Variants in PEX5L observed in about 807,000 individuals in gnomAD.
PEX5L encodes peroxisomal biogenesis factor 5 like.
A neutral mutation model predicts 84.0 loss-of-function variants in PEX5L; 30 were observed. The observed-to-expected ratio is 0.36, with a 90% CI of 0.27 to 0.48. The LOEUF (loss-of-function observed/expected upper bound fraction) is 0.48. PEX5L is among the 20% of genes least tolerant of loss of function. The pLI, the probability that PEX5L is intolerant of heterozygous loss-of-function variation, is 0.99. For synonymous variants in PEX5L, 270 were observed against 283.1 expected, an observed-to-expected ratio of 0.95 and a Z score of 0.46; for missense variants, 533 against 754.6, an observed-to-expected ratio of 0.71 and a Z score of 3.44.
chr3:179,953,654 G>C (rs1004279232), intron 2 of PEX5L, among the ~76,000 whole-genome samples: 4 of 152,148 alleles, frequency 2.6e-5, no homozygotes, highest in Non-Finnish European at 5.9e-5. Flanking sequence ...TGATGCTGTA[G>C]GGAACATCTC....
At chr3:179,973,249 C>CA in intron 1 of PEX5L, 1 of 1,288,962 alleles carries the variant, frequency 7.8e-7, no homozygotes, top group Non-Finnish European at 1.0e-6. Flanking sequence ...CACTGTCAGA[C>CA]ATCCCAGAAT....
chr3:179,852,967 A>G (rs1191169249), intron 8 of PEX5L, among the ~76,000 whole-genome samples: 1 of 152,222 alleles, frequency 6.6e-6, no homozygotes, highest in Non-Finnish European at 1.5e-5. Context: ...GATGCATTAA[A>G]ATAATAAATT....
chr3:179,832,058 C>T (rs1045317646), intron 8 of PEX5L, among the ~76,000 whole-genome samples: 14 of 151,960 alleles, frequency 9.2e-5, no homozygotes, highest in African/African-American at 2.9e-4. Context: ...TTCTCCACAC[C>T]GAAGACAGCA....
rs112428191 is a variant in PEX5L, at chr3:179,859,354, C to A, written c.727-197G>T. 5.3e-5 allele frequency among the ~76,000 whole-genome samples: 8 copies of A among 152,256 alleles called. 1 individual carries two copies. The highest frequency in any genetic ancestry group is 1.9e-4 in the African/African-American group (8 of 41,552). On this transcript the variant is annotated intron_variant, in intron 7 of 14. Coordinates refer to ENST00000467460, the MANE Select transcript of PEX5L (RefSeq NM_016559.3). Reference sequence around the variant, plus strand: ...GTCAAAATGTGTGTGAGCATGCATGCGTGATTCTTCCAACAGTGGGTCTCA... The same window carrying A: ...GTCAAAATGTGTGTGAGCATGCATGAGTGATTCTTCCAACAGTGGGTCTCA...
intron 2 of PEX5L, among the ~76,000 whole-genome samples, chr3:179,899,973 G>A (rs1760749839): frequency 6.6e-6 from 1 of 152,098 alleles, no homozygotes; most frequent in South Asian, 2.1e-4. Context: ...AATGATTCCA[G>A]GTTTCTTCTT....
At chr3:179,854,677 G>C (rs1050560055) in intron 8 of PEX5L, among the ~76,000 whole-genome samples, 1 of 152,172 alleles carries the variant, frequency 6.6e-6, no homozygotes, top group African/African-American at 2.4e-5. Flanking sequence ...TACCCATACA[G>C]AGTGATTAAC....
At chr3:179,880,958 C>T (rs1753960882) in intron 4 of PEX5L, 1 of 152,304 alleles carries the variant, frequency 6.6e-6, no homozygotes, top group Admixed American at 6.5e-5. Flanking sequence ...GTCCCTACAG[C>T]TCTACCTTTC....
At chr3:179,994,289 T>C (rs1317813142) in intron 1 of PEX5L, among the ~76,000 whole-genome samples, 1 of 152,254 alleles carries the variant, frequency 6.6e-6, no homozygotes, top group African/African-American at 2.4e-5. Context: ...GAAGGTTTTT[T>C]ATACATTAAA....
intron 1 of PEX5L, among the ~76,000 whole-genome samples, chr3:180,005,797 T>C (rs1429285478): frequency 6.6e-6 from 1 of 152,236 alleles, no homozygotes; most frequent in Non-Finnish European, 1.5e-5. Flanking sequence ...CTCAAACTCC[T>C]GGTCTCAAGT....
chr3:179,805,711 G>T (rs1404938364), intron 14 of PEX5L, among the ~76,000 whole-genome samples: 1 of 152,008 alleles, frequency 6.6e-6, no homozygotes, highest in African/African-American at 2.4e-5. Flanking sequence ...ATTTAAGTGG[G>T]CATTCTGTGT....
chr3:179,979,315 A>G (rs561778809), intron 1 of PEX5L, among the ~76,000 whole-genome samples: 1 of 152,268 alleles, frequency 6.6e-6, no homozygotes, highest in Admixed American at 6.5e-5. Context: ...TTCAGCTGGC[A>G]TGTTCTTGTC....
chr3:179,838,035 C>G (rs532038429), intron 8 of PEX5L, among the ~76,000 whole-genome samples: 1 of 152,298 alleles, frequency 6.6e-6, no homozygotes, highest in Admixed American at 6.5e-5. Flanking sequence ...AAATACCTAC[C>G]TTGGCCTTCC....
At chr3:179,950,185 T>C (rs1477297652) in intron 2 of PEX5L, among the ~76,000 whole-genome samples, 2 of 152,232 alleles carry the variant, frequency 1.3e-5, no homozygotes. Context: ...CCTGTGGTGC[T>C]TGGTCCTAGC....
intron 2 of PEX5L, among the ~76,000 whole-genome samples, chr3:179,927,296 A>C (rs998839806): frequency 2.0e-4 from 31 of 152,250 alleles, no homozygotes; most frequent in African/African-American, 7.0e-4. Flanking sequence ...CTCAGGGTAA[A>C]GACAGAGGCT....
At chr3:179,852,658 T>A (rs968857749) in intron 8 of PEX5L, among the ~76,000 whole-genome samples, 1 of 152,220 alleles carries the variant, frequency 6.6e-6, no homozygotes, top group African/African-American at 2.4e-5. Context: ...AGGATATGCT[T>A]CCTGTTCTTG....
intron 7 of PEX5L, among the ~76,000 whole-genome samples, chr3:179,859,400 A>G (rs1451011607): frequency 6.6e-6 from 1 of 151,680 alleles, no homozygotes; most frequent in African/African-American, 2.4e-5. Context: ...TATTGAAACC[A>G]CTCCTCAGGC....
chr3:179,907,204 T>C (rs935687344), intron 2 of PEX5L, among the ~76,000 whole-genome samples: 1 of 151,630 alleles, frequency 6.6e-6, no homozygotes, highest in Non-Finnish European at 1.5e-5. Context: ...AAAATATATA[T>C]ACCAAATTAA....
intron 1 of PEX5L, among the ~76,000 whole-genome samples, chr3:179,985,662 C>T (rs1348663675): frequency 6.6e-6 from 1 of 152,016 alleles, no homozygotes; most frequent in Non-Finnish European, 1.5e-5. Flanking sequence ...AGCTTAAAAC[C>T]CCCTTTTCCC....
At chr3:179,992,800 G>A (rs944305048) in intron 1 of PEX5L, among the ~76,000 whole-genome samples, 1 of 151,962 alleles carries the variant, frequency 6.6e-6, no homozygotes, top group African/African-American at 2.4e-5. Context: ...GACTTCAGAG[G>A]GAATTCATAA....
Sources: allele counts gnomAD v4.1 joint callset (sites outside exome capture counted in the v4.1 genomes callset), GRCh38; gene constraint gnomAD v4.1.1; transcripts MANE v1.5; gene names NCBI Gene and HGNC (gene_info 2026-07-23, HGNC 2026-07-21).